The following UBLCP1 variants were observed in gnomAD, a reference collection of about 807,000 sequenced individuals.
The protein encoded by UBLCP1 is ubiquitin-like domain-containing CTD phosphatase 1.
UBLCP1 carries 28 observed loss-of-function variants against 42.4 expected under a neutral mutation model. The observed-to-expected ratio is 0.66, with a 90% CI of 0.49 to 0.90. The LOEUF is 0.90. Among genes scored for constraint, UBLCP1 ranks in the 40% least tolerant of loss-of-function variants. The pLI is 0.00. For missense variants in UBLCP1, 279 were observed against 374.5 expected (o/e 0.75, Z 2.10); for synonymous variants, 122 against 120.8 (o/e 1.01, Z -0.07).
Position 159,272,019 on chromosome 5 carries a change from T to C in UBLCP1, c.449-4T>C. 6.2e-7 allele frequency: 1 copy of C among 1,609,314 alleles called. No individual in the cohort carries two copies. Among genetic ancestry groups the C allele is most frequent in the Non-Finnish European group, 8.5e-7 (1 of 1,176,682 alleles). ...ATAATTATTTATGATCAATTTTCTT[T>C]TAGACCACAGGTCTTGTGCAGAGAC... is the stretch of plus-strand genomic sequence containing the variant. On this transcript the variant is annotated splice_region_variant and splice_polypyrimidine_tract_variant and intron_variant, in intron 5 of 10. Transcript: ENST00000296786.
Position 159,270,407 on chromosome 5 carries a change from C to G in UBLCP1, c.294C>G (p.Asp98Glu). The change falls in exon 4 of 11, where the codon GAC (aspartate) becomes GAG (glutamate). Residue 98 changes from aspartate (D) to glutamate (E), a missense_variant. Physicochemically the swap from Asp to Glu is conservative, Grantham distance 45. Coordinates refer to ENST00000296786, the MANE Select transcript of UBLCP1 (RefSeq NM_145049.5). ...CTGACAATGATGATGTTGTTAATGACTTTGATATTGAAGATGAAGTAGTTG... is the reference window on the plus strand; with the variant it reads ...CTGACAATGATGATGTTGTTAATGAGTTTGATATTGAAGATGAAGTAGTTG... The part of the protein sequence containing the change: ...PPPDNDDVVN[D>E]FDIEDEVVEV... The G allele has an allele frequency of 6.2e-7, 1 of 1,613,424 alleles. No individual in the cohort carries two copies. Among genetic ancestry groups the G allele is most frequent in the Non-Finnish European group, 8.5e-7 (1 of 1,179,660 alleles).
At chr5:159,267,273 G>A (rs1459941987) in intron 1 of UBLCP1, among the ~76,000 whole-genome samples, 3 of 152,208 alleles carry the variant, frequency 2.0e-5, no homozygotes, top group Non-Finnish European at 1.5e-5. Flanking sequence ...AGTCAAAGGA[G>A]ATCATTTCGG....
In UBLCP1 at chr5:159,270,010, A is replaced by C. The variant is rs571644295; in HGVS notation, c.246+11A>C. On this transcript the variant is annotated intron_variant, in intron 3 of 10. Coordinates refer to ENST00000296786, the MANE Select transcript of UBLCP1 (RefSeq NM_145049.5). ...CGTGAGGAGAGCTTGGTAAATGTTTACTTTTTGTTACCATTTGTCCATTTG... is the reference window on the plus strand; with the variant it reads ...CGTGAGGAGAGCTTGGTAAATGTTTCCTTTTTGTTACCATTTGTCCATTTG... The C allele has an allele frequency of 6.3e-7, 1 of 1,593,570 alleles. No individual in the cohort carries two copies. Among genetic ancestry groups the C allele is most frequent in the African/African-American group, 1.3e-5 (1 of 74,266 alleles).
At chr5:159,266,577 A>C (rs1753394632) in intron 1 of UBLCP1, among the ~76,000 whole-genome samples, 1 of 152,250 alleles carries the variant, frequency 6.6e-6, no homozygotes, top group Non-Finnish European at 1.5e-5. Flanking sequence ...CAAGGAGCCT[A>C]ATGTTAATCC....
chr5:159,265,093 A>G (rs1000473698), intron 1 of UBLCP1, among the ~76,000 whole-genome samples: 1 of 152,206 alleles, frequency 6.6e-6, no homozygotes, highest in Non-Finnish European at 1.5e-5. Flanking sequence ...CTTGCTTTAC[A>G]TTTTCAGTAG....
intron 8 of UBLCP1, among the ~76,000 whole-genome samples, chr5:159,276,482 A>T (rs1753538783): frequency 1.3e-5 from 2 of 152,222 alleles, no homozygotes; most frequent in Non-Finnish European, 1.5e-5. Flanking sequence ...TACTAAAGTA[A>T]AATAATACAT....
rs1753629049 is a variant in UBLCP1 at position 159,283,257 on chromosome 5, G to T, written c.847G>T (p.Glu283Ter). ...KAHLNRDKDKELLKLTQYLKE... is the reference protein window; with the variant it reads ...KAHLNRDKDK ...GCACCTAAATCGTGATAAAGACAAA[G>T]AACTTTTAAAATTAACTCAGTACCT... The change falls in exon 10 of 11, where the codon GAA becomes TAA. Residue 283 changes from glutamate (E) to a stop codon, truncating the protein, a stop_gained. Transcript: ENST00000296786. LOFTEE classifies it high-confidence loss of function. 6.2e-7 allele frequency: 1 copy of T among 1,606,266 alleles called. No individual in the cohort carries two copies. The highest frequency in any genetic ancestry group is 8.5e-7 in the Non-Finnish European group (1 of 1,177,084).
intron 1 of UBLCP1, among the ~76,000 whole-genome samples, chr5:159,265,181 A>G (rs1753369808): frequency 6.6e-6 from 1 of 152,232 alleles, no homozygotes; most frequent in Non-Finnish European, 1.5e-5. Flanking sequence ...ATAAATATGA[A>G]TTTATGGCTC....
intron 5 of UBLCP1, among the ~76,000 whole-genome samples, chr5:159,270,848 C>T (rs1296230812): frequency 8.0e-6 from 1 of 124,368 alleles, no homozygotes; most frequent in Non-Finnish European, 1.8e-5. Flanking sequence ...CAAAGATGAC[C>T]ACTCTTAGTA....
At chr5:159,284,841 G>C (rs1052381669) in intron 10 of UBLCP1, 63 bp from the exon 11 acceptor site, 1 of 1,574,832 alleles carries the variant, frequency 6.3e-7, no homozygotes, top group African/African-American at 1.3e-5. Context: ...TGGGAGCAAA[G>C]TTAGGTTATC....
At position 159,268,951 on chromosome 5, in the gene UBLCP1, G is replaced by A. The variant is rs1753431079; in HGVS notation, c.36G>A (p.Gln12=). ...ALPIIVKWGG[Q]EYSVTTLSED... ...CTATCATTGTAAAATGGGGTGGACAGGAGTATTCAGTGACCACACTTTCAG... is the reference window on the plus strand; with the variant it reads ...CTATCATTGTAAAATGGGGTGGACAAGAGTATTCAGTGACCACACTTTCAG... Residue 12 remains glutamine, a synonymous_variant, in exon 2 of 11, where the codon CAG becomes CAA. Coordinates refer to ENST00000296786, the MANE Select transcript of UBLCP1 (RefSeq NM_145049.5). The A allele has an allele frequency of 1.2e-6, 2 of 1,611,680 alleles. No homozygotes were observed. Among genetic ancestry groups the A allele is most frequent in the Non-Finnish European group, 1.7e-6 (2 of 1,179,040 alleles).
rs550087621 is a variant in UBLCP1 at position 159,268,574 on chromosome 5, A to G, written c.-46-296A>G. Among the ~76,000 whole-genome samples the G allele has an allele frequency of 1.0e-3, 154 of 152,366 alleles. 2 individuals carry two copies. The highest frequency in any genetic ancestry group is 5.9e-5 in the Non-Finnish European group (4 of 68,042). ...TGTCAGGGAAGGACTTGCTTGTAGCATCAACCTGACCAAATAGAACAGGAG... is the reference window on the plus strand; with the variant it reads ...TGTCAGGGAAGGACTTGCTTGTAGCGTCAACCTGACCAAATAGAACAGGAG... On this transcript the variant is annotated intron_variant, in intron 1 of 10. Coordinates refer to ENST00000296786, the MANE Select transcript of UBLCP1 (RefSeq NM_145049.5).
At chr5:159,270,316 A>G (rs1753448221) in intron 3 of UBLCP1, 44 bp from the exon 4 acceptor site, 1 of 1,447,212 alleles carries the variant, frequency 6.9e-7, no homozygotes, top group Non-Finnish European at 9.6e-7. Flanking sequence ...TATTTGTTAT[A>G]TTAAGGATAA....
intron 2 of UBLCP1, 116 bp downstream of exon 2, chr5:159,269,185 GTC>G (rs1230283481): frequency 1.3e-6 from 1 of 747,540 alleles, no homozygotes; most frequent in Non-Finnish European, 1.9e-6. Flanking sequence ...AGTTTAGTAA[GTC>G]TCTCCCTTTC....
chr5:159,275,403 ATTTTTTTTTTT>A (rs56675251), intron 8 of UBLCP1, 157 bp downstream of exon 8: 26 of 164,442 alleles, frequency 1.6e-4, no homozygotes, highest in African/African-American at 6.3e-4. Flanking sequence ...AGGTTAAAAG[ATTTTTTTTTTT>A]TTTTTTTTTT....
intron 1 of UBLCP1, among the ~76,000 whole-genome samples, chr5:159,268,350 A>G (rs958506309): frequency 6.6e-5 from 10 of 152,232 alleles, no homozygotes; most frequent in Non-Finnish European, 1.3e-4. Flanking sequence ...AATCCTCATA[A>G]AAGCCCTAAG....
In UBLCP1 at chr5:159,272,024, C is replaced by T; in HGVS notation, c.450C>T (p.Asp150=). 6.2e-7 allele frequency: 1 copy of T among 1,610,920 alleles called. No homozygotes were observed. The highest frequency in any genetic ancestry group is 1.1e-5 in the South Asian group (1 of 90,910). ...LVLDVDYTLF[D]HRSCAETGVE... ...TATTTATGATCAATTTTCTTTTAGA[C>T]CACAGGTCTTGTGCAGAGACTGGGG... Residue 150 remains aspartate (D), a splice_region_variant and synonymous_variant, in exon 6 of 11, where the codon GAC becomes GAT. Coordinates refer to ENST00000296786, the MANE Select transcript of UBLCP1 (RefSeq NM_145049.5).
rs1753675273 is a variant in UBLCP1 at position 159,286,008 on chromosome 5, G to C, written c.*1077G>C. 1 of 152,682 alleles carries C rather than the reference G, an allele frequency of 6.5e-6. No homozygotes were observed. The highest frequency in any genetic ancestry group is 2.4e-5 in the African/African-American group (1 of 41,436). The allele number at this position is 152,682 out of a possible 1,614,324, so 9.5% of individuals were successfully genotyped here. A position where few individuals can be genotyped will look rare whatever the true frequency, so the allele number is the denominator to read the frequency against. On this transcript the variant is annotated 3_prime_UTR_variant, in exon 11 of 11. Coordinates refer to ENST00000296786, the MANE Select transcript of UBLCP1 (RefSeq NM_145049.5). ...TGTTCTTACAGGACTAATTTCAGTG[G>C]TGTAAATAATAAATATCTTTTCTTA...
At chr5:159,283,493 A>G (rs1753631936) in intron 10 of UBLCP1, among the ~76,000 whole-genome samples, 154 bp downstream of exon 10, 1 of 152,006 alleles carries the variant, frequency 6.6e-6, no homozygotes, top group Non-Finnish European at 1.5e-5. Flanking sequence ...ACCTACCCCC[A>G]AAAGTATTTT....
Sources: gnomAD v4.1 joint callset for allele counts (sites outside exome capture counted in the v4.1 genomes callset) on GRCh38, gnomAD v4.1.1 for gene constraint, MANE v1.5 for transcripts, NCBI Gene and HGNC (gene_info 2026-07-23, HGNC 2026-07-21) for gene names.